Variants in CNTN4 observed in about 807,000 individuals in gnomAD.
CNTN4 encodes contactin-4.
In CNTN4, 77 loss-of-function variants were observed where a neutral mutation model predicts 122.5. That is an observed-to-expected ratio of 0.63 (90% CI 0.52 to 0.76). CNTN4 has a LOEUF of 0.76. Ranked by LOEUF, CNTN4 falls within the 30% of genes least tolerant of loss-of-function variation. The probability of loss-of-function intolerance (pLI) is 0.00; values close to 1 mark genes in which losing one functional copy is unlikely to be tolerated. For missense variants in CNTN4, 1,256 were observed against 1,259.1 expected (o/e 1.00, Z 0.04); for synonymous variants, 512 against 447.0 (o/e 1.15, Z -1.83).
chr3:2,804,065 GCA>G (rs71058651), intron 6 of CNTN4, among the ~76,000 whole-genome samples: 67,097 of 144,032 alleles, frequency 0.47, 16,258 homozygotes, highest in Non-Finnish European at 0.57. Context: ...ATATATGTCT[GCA>G]CACACACACA....
intron 7 of CNTN4, among the ~76,000 whole-genome samples, chr3:2,836,740 CAT>C (rs1200290195): frequency 1.6e-5 from 2 of 129,006 alleles, no homozygotes; most frequent in Non-Finnish European, 3.2e-5. Context: ...AAAATAAAAA[CAT>C]AATGAAGAGT....
chr3:2,455,403 G>T (rs1559567416), intron 3 of CNTN4, among the ~76,000 whole-genome samples: 1 of 152,086 alleles, frequency 6.6e-6, no homozygotes, highest in Admixed American at 6.6e-5. Flanking sequence ...TATAAATAAA[G>T]TGCTGAAAGT....
chr3:2,531,886 C>G (rs2077609904), intron 3 of CNTN4, among the ~76,000 whole-genome samples: 1 of 152,122 alleles, frequency 6.6e-6, no homozygotes, highest in Non-Finnish European at 1.5e-5. Context: ...GCAGAAATAA[C>G]CTGTGGCAGT....
intron 2 of CNTN4, among the ~76,000 whole-genome samples, chr3:2,167,966 C>A (rs78105275): frequency 6.6e-6 from 1 of 152,120 alleles, no homozygotes; most frequent in South Asian, 2.1e-4. Flanking sequence ...AGGAAGACTC[C>A]ATCTCTACAA....
chr3:2,127,079 T>A (rs191537869), intron 2 of CNTN4, among the ~76,000 whole-genome samples: 80 of 152,042 alleles, frequency 5.3e-4, no homozygotes, highest in Non-Finnish European at 9.1e-4. Flanking sequence ...GGTTTGCGTT[T>A]TTCTCCTTTC....
At chr3:2,340,710 T>TATATATATATATATATATAGAGAGAG in intron 3 of CNTN4, among the ~76,000 whole-genome samples, 6 of 18,302 alleles carry the variant, frequency 3.3e-4, no homozygotes, top group Non-Finnish European at 6.5e-4. Context: ...TATATATATA[T>TATATATATATATATATATAGAGAGAG]AGAGAGAGAG....
chr3:2,600,635 A>G (rs2080999418), intron 4 of CNTN4, among the ~76,000 whole-genome samples: 1 of 152,288 alleles, frequency 6.6e-6, no homozygotes, highest in African/African-American at 2.4e-5. Context: ...AGTCTTTGCT[A>G]TTGTGAATAG....
In CNTN4 at chr3:2,937,794, A is replaced by G. The variant is rs375180307; in HGVS notation, c.1358+12015A>G. ...CAGAGTCTGCCAAAATCGACTTCCA[A>G]CAGGAAGTGAGTTTAAGCCTTTGTG... On this transcript the variant is annotated intron_variant, in intron 13 of 24. Coordinates refer to ENST00000418658, the MANE Select transcript of CNTN4 (RefSeq NM_175607.3). 5.9e-5 allele frequency among the ~76,000 whole-genome samples: 9 copies of G among 152,344 alleles called. 1 individual carries two copies. The highest frequency in any genetic ancestry group is 3.9e-4 in the East Asian group (2 of 5,182).
At chr3:2,176,498 T>G (rs2149264375) in intron 2 of CNTN4, among the ~76,000 whole-genome samples, 1 of 152,200 alleles carries the variant, frequency 6.6e-6, no homozygotes, top group African/African-American at 2.4e-5. Context: ...AGTCTATTCA[T>G]TAAGACAAAT....
chr3:2,157,605 A>C (rs970943740), intron 2 of CNTN4, among the ~76,000 whole-genome samples: 3 of 152,212 alleles, frequency 2.0e-5, no homozygotes, highest in Non-Finnish European at 4.4e-5. Context: ...TTAAGATATG[A>C]ATGTGTTTTC....
chr3:2,736,020 A>G (rs761303699), intron 4 of CNTN4, 195 bp from the exon 5 acceptor site: 2 of 718,766 alleles, frequency 2.8e-6, no homozygotes, highest in Non-Finnish European at 2.6e-6. Flanking sequence ...GAGGGCTTAT[A>G]TTTTCACTTC....
intron 4 of CNTN4, among the ~76,000 whole-genome samples, chr3:2,702,018 G>T (rs1280479291): frequency 1.3e-5 from 2 of 152,176 alleles, no homozygotes; most frequent in Non-Finnish European, 2.9e-5. Context: ...AGAGTGAAAG[G>T]TATTAGGCAA....
At chr3:2,565,295 A>G (rs570447057) in intron 3 of CNTN4, among the ~76,000 whole-genome samples, 1 of 152,318 alleles carries the variant, frequency 6.6e-6, no homozygotes, top group African/African-American at 2.4e-5. Context: ...GATAAAAACC[A>G]ATTAACACAT....
intron 4 of CNTN4, among the ~76,000 whole-genome samples, chr3:2,631,865 C>CAAAAAAAAAACAAAA (rs2082444306): frequency 1.4e-5 from 1 of 70,194 alleles, no homozygotes; most frequent in African/African-American, 5.3e-5. Context: ...CGTATCTCTA[C>CAAAAAAAAAACAAAA]AAAAAAAAAA....
At chr3:2,411,125 G>A (rs1032507726) in intron 3 of CNTN4, among the ~76,000 whole-genome samples, 63 of 152,106 alleles carry the variant, frequency 4.1e-4, no homozygotes, top group African/African-American at 1.2e-3. Flanking sequence ...GTGGGAGCAC[G>A]TATGAGAACA....
rs1491165607 is a variant in CNTN4 at position 3,014,086 on chromosome 3, A to ACACC, written c.1487-12015_1487-12014insACCC. 7.3e-3 allele frequency among the ~76,000 whole-genome samples: 988 copies of ACACC among 135,048 alleles called. 7 individuals carry two copies. The highest frequency in any genetic ancestry group is 0.026 in the African/African-American group (943 of 36,308). The allele number at this position is 135,048 out of a possible 152,430, so 88.6% of individuals were successfully genotyped here. On this transcript the variant is annotated intron_variant, in intron 14 of 24. Transcript: ENST00000418658. ...CACACACACACACACACACACACAC[A>ACACC]CCCCTAGGGGTTTTGTTTGTTTTAA...
chr3:2,396,653 T>G (rs2046650531), intron 3 of CNTN4, among the ~76,000 whole-genome samples: 1 of 145,240 alleles, frequency 6.9e-6, no homozygotes, highest in Admixed American at 7.0e-5. Flanking sequence ...GTGTTATGTC[T>G]GGGTTTTTTT....
chr3:3,043,292 C>T, intron 22 of CNTN4, 129 bp downstream of exon 22: 1 of 943,484 alleles, frequency 1.1e-6, no homozygotes, highest in Non-Finnish European at 1.7e-6. Flanking sequence ...TTTCCCTCAG[C>T]ATTTTAACTG....
chr3:2,409,492 A>ACC (rs1291481000), intron 3 of CNTN4, among the ~76,000 whole-genome samples: 1 of 151,978 alleles, frequency 6.6e-6, no homozygotes. Flanking sequence ...TGTGATCTGC[A>ACC]CGCCTCAGCC....
Sources: allele counts gnomAD v4.1 joint callset (sites outside exome capture counted in the v4.1 genomes callset), GRCh38; gene constraint gnomAD v4.1.1; transcripts MANE v1.5; gene names NCBI Gene and HGNC (gene_info 2026-07-23, HGNC 2026-07-21).